The following CCSER2 variants were observed in gnomAD, a reference collection of about 807,000 sequenced individuals.
CCSER2 encodes the protein coiled-coil serine rich protein 2.
In CCSER2, 46 loss-of-function variants were observed where a neutral mutation model predicts 92.3. The ratio of observed to expected loss-of-function variants is 0.50; its 90% CI spans 0.39 to 0.64. The LOEUF is 0.64. Ranked by LOEUF, CCSER2 falls within the 30% of genes least tolerant of loss-of-function variation. The probability of loss-of-function intolerance (pLI) is 0.00; values close to 1 mark genes in which losing one functional copy is unlikely to be tolerated. For synonymous variants in CCSER2, 433 were observed against 431.4 expected (o/e 1.00, Z -0.04); for missense variants, 1,244 against 1,238.9 (o/e 1.00, Z -0.06).
intron 5 of CCSER2, among the ~76,000 whole-genome samples, chr10:84,430,465 T>C (rs968075750): frequency 6.6e-6 from 1 of 152,334 alleles, no homozygotes; most frequent in Non-Finnish European, 1.5e-5. Context: ...TTTTAAGCAG[T>C]GCACTAGGGA....
chr10:84,455,906 T>G (rs922975022), intron 6 of CCSER2: 1 of 692,342 alleles, frequency 1.4e-6, no homozygotes, highest in South Asian at 1.4e-5. Context: ...TTCTGCTTTC[T>G]TCTATGATTT....
intron 3 of CCSER2, among the ~76,000 whole-genome samples, chr10:84,375,750 T>C (rs2133189746): frequency 6.6e-6 from 1 of 151,880 alleles, no homozygotes; most frequent in South Asian, 2.1e-4. Flanking sequence ...CTTTTTCTTT[T>C]GACTAGTGAG....
intron 9 of CCSER2, chr10:84,507,398 T>C (rs1306479433): frequency 3.1e-5 from 23 of 751,542 alleles, no homozygotes; most frequent in Non-Finnish European, 3.4e-5. Context: ...GGTTTTTTTT[T>C]CCAGTTTGCA....
intron 6 of CCSER2, among the ~76,000 whole-genome samples, chr10:84,447,080 G>T (rs1564673372): frequency 6.6e-6 from 1 of 150,940 alleles, no homozygotes; most frequent in Non-Finnish European, 1.5e-5. Flanking sequence ...CATTTTCCCG[G>T]TACAACCGTG....
chr10:84,378,115 A>C (rs1846437206), intron 3 of CCSER2, among the ~76,000 whole-genome samples: 1 of 152,234 alleles, frequency 6.6e-6, no homozygotes, highest in African/African-American at 2.4e-5. Flanking sequence ...TCAGAGAGAA[A>C]GCCTTAATAG....
At chr10:84,334,134 A>C (rs147260105) in intron 1 of CCSER2, among the ~76,000 whole-genome samples, 1 of 152,320 alleles carries the variant, frequency 6.6e-6, no homozygotes, top group Non-Finnish European at 1.5e-5. Flanking sequence ...GTATTAGCAC[A>C]GACATGAGCA....
intron 6 of CCSER2, among the ~76,000 whole-genome samples, chr10:84,451,710 T>C (rs915294285): frequency 6.6e-6 from 1 of 152,138 alleles, no homozygotes; most frequent in African/African-American, 2.4e-5. Flanking sequence ...CAGAAAAAAT[T>C]TGTAAATACT....
intron 3 of CCSER2, among the ~76,000 whole-genome samples, chr10:84,415,156 A>T (rs1190912647): frequency 2.0e-5 from 3 of 152,200 alleles, no homozygotes; most frequent in African/African-American, 2.4e-5. Context: ...CAGTTCAGCC[A>T]TCTCATCCTC....
At chr10:84,373,938 A>G (rs113500220) in intron 3 of CCSER2, 123 bp downstream of exon 3, 2 of 1,504,364 alleles carry the variant, frequency 1.3e-6, no homozygotes, top group East Asian at 2.5e-5. Context: ...ATGGAAATTC[A>G]TATTTGTTAA....
At chr10:84,507,063 G>A (rs980384585) in intron 9 of CCSER2, among the ~76,000 whole-genome samples, 1 of 152,140 alleles carries the variant, frequency 6.6e-6, no homozygotes, top group African/African-American at 2.4e-5. Flanking sequence ...ATGAGTATTT[G>A]TACTAACTCG....
At chr10:84,457,682 AATTATATATATTTATATATAATTAT>A (rs1231559690) in intron 6 of CCSER2, among the ~76,000 whole-genome samples, 1 of 127,702 alleles carries the variant, frequency 7.8e-6, no homozygotes, top group Admixed American at 1.0e-4. Context: ...TTATTATATA[AATTATATATATTTATATATAATTAT>A]ATTATATATA....
intron 6 of CCSER2, among the ~76,000 whole-genome samples, chr10:84,453,294 T>A (rs995479224): frequency 2.6e-5 from 4 of 152,252 alleles, no homozygotes; most frequent in African/African-American, 9.6e-5. Context: ...AATGTTTTCT[T>A]TGTGGGCTAG....
At chr10:84,455,896 T>A in intron 6 of CCSER2, 1 of 696,578 alleles carries the variant, frequency 1.4e-6, no homozygotes, top group Non-Finnish European at 2.7e-6. Context: ...TATCAAGAAG[T>A]TCTGCTTTCT....
chr10:84,370,052 C>T (rs112257417), intron 1 of CCSER2, among the ~76,000 whole-genome samples: 5,927 of 152,098 alleles, frequency 0.039, 154 homozygotes, highest in Middle Eastern at 0.095. Context: ...ACTATAGTAG[C>T]CTTGTAGTAT....
intron 3 of CCSER2, among the ~76,000 whole-genome samples, chr10:84,394,998 A>G (rs2133281037): frequency 6.6e-6 from 1 of 152,168 alleles, no homozygotes; most frequent in South Asian, 2.1e-4. Flanking sequence ...CTGAGGTGGT[A>G]GGATTGCTTG....
chr10:84,450,023 A>G (rs964675637), intron 6 of CCSER2, among the ~76,000 whole-genome samples: 3 of 152,232 alleles, frequency 2.0e-5, no homozygotes, highest in Non-Finnish European at 4.4e-5. Flanking sequence ...AGCAGTTAAT[A>G]ATAGCAACAA....
At chr10:84,421,151 A>G (rs1166108432) in intron 4 of CCSER2, among the ~76,000 whole-genome samples, 2 of 152,190 alleles carry the variant, frequency 1.3e-5, no homozygotes, top group South Asian at 2.1e-4. Context: ...TGGTGAATGC[A>G]TTTGTGCAGT....
chr10:84,434,156 T>G (rs1260777017), intron 5 of CCSER2, among the ~76,000 whole-genome samples: 1 of 152,210 alleles, frequency 6.6e-6, no homozygotes, highest in African/African-American at 2.4e-5. Flanking sequence ...TATTTTTTAT[T>G]ACCCTTCTTA....
chr10:84,360,078 G>T (rs1845415989), intron 1 of CCSER2, among the ~76,000 whole-genome samples: 1 of 152,122 alleles, frequency 6.6e-6, no homozygotes, highest in Admixed American at 6.5e-5. Context: ...CACCTAAAGT[G>T]CTGGGATGAC....
Sources: gnomAD v4.1 joint callset for allele counts (sites outside exome capture counted in the v4.1 genomes callset) on GRCh38, gnomAD v4.1.1 for gene constraint, MANE v1.5 for transcripts, NCBI Gene and HGNC (gene_info 2026-07-23, HGNC 2026-07-21) for gene names.